GRIP1: variants seen among roughly 807,000 people sequenced by gnomAD.
GRIP1 encodes the protein glutamate receptor interacting protein 1.
GRIP1 carries 45 observed loss-of-function variants against 129.9 expected under a neutral mutation model. The observed-to-expected ratio is 0.35, with a 90% CI of 0.27 to 0.44. The LOEUF (loss-of-function observed/expected upper bound fraction) is 0.44, where lower values mean the gene tolerates loss of function less well. GRIP1 is among the 20% of genes least tolerant of loss of function. The pLI is 1.00. For synonymous variants in GRIP1, 530 were observed against 520.8 expected, an observed-to-expected ratio of 1.02 and a Z score of -0.24; for missense variants, 1,196 against 1,396.8, an observed-to-expected ratio of 0.86 and a Z score of 2.29.
chr12:66,973,769 C>T (rs902431546), intron 1 of GRIP1, among the ~76,000 whole-genome samples: 12 of 152,064 alleles, frequency 7.9e-5, no homozygotes, highest in Admixed American at 5.9e-4. Flanking sequence ...GGTACAAGTG[C>T]ATCAGCTATG....
At chr12:66,400,324 C>T (rs1251580424) in intron 16 of GRIP1, among the ~76,000 whole-genome samples, 1 of 152,078 alleles carries the variant, frequency 6.6e-6, no homozygotes, top group Non-Finnish European at 1.5e-5. Context: ...TACTTTTTAT[C>T]ATAGGTCCTT....
intron 1 of GRIP1, among the ~76,000 whole-genome samples, chr12:66,868,519 G>A (rs2040242665): frequency 1.3e-5 from 2 of 151,980 alleles, no homozygotes. Context: ...CAAAATGACA[G>A]CAGGGATTCA....
At chr12:66,704,362 TAAAGAATTTTATATAAATAAGA>T (rs1187534761) in intron 1 of GRIP1, among the ~76,000 whole-genome samples, 2 of 152,062 alleles carry the variant, frequency 1.3e-5, no homozygotes, top group Admixed American at 6.6e-5. Context: ...ATCAGAATTG[TAAAGAATTTTATATAAATAAGA>T]AAAATGTTAA....
At chr12:66,637,124 G>A (rs1592683096) in intron 1 of GRIP1, among the ~76,000 whole-genome samples, 1 of 152,140 alleles carries the variant, frequency 6.6e-6, no homozygotes, top group East Asian at 1.9e-4. Flanking sequence ...AAGACAAGTA[G>A]AGGGAAGTTA....
chr12:66,901,019 C>A (rs1161536346), intron 1 of GRIP1, among the ~76,000 whole-genome samples: 3 of 152,156 alleles, frequency 2.0e-5, no homozygotes, highest in Admixed American at 6.5e-5. Flanking sequence ...AGTAGAGATA[C>A]ATGAATGAAA....
In GRIP1 at chr12:66,991,875, C is replaced by A. The variant is rs952156796; in HGVS notation, c.58+77175G>T. ...TGTATTCAGCCAGACGCCATCTCAA[C>A]TTGGATTCCAAATTTACAACACTAA... is the stretch of plus-strand genomic sequence containing the variant. On this transcript the variant is annotated intron_variant, in intron 1 of 1. Coordinates refer to the GRIP1 transcript ENST00000643019. 2.0e-5 allele frequency among the ~76,000 whole-genome samples: 3 copies of A among 152,294 alleles called. No individual in the cohort carries two copies. In the East Asian group the frequency reaches 5.8e-4, roughly 29 times the overall value.
chr12:66,474,760 T>C (rs1056201783), intron 7 of GRIP1, among the ~76,000 whole-genome samples: 2 of 152,068 alleles, frequency 1.3e-5, no homozygotes, highest in Non-Finnish European at 2.9e-5. Context: ...ATAAAATACT[T>C]TACAGACAAG....
intron 1 of GRIP1, among the ~76,000 whole-genome samples, chr12:66,910,178 A>G (rs943580740): frequency 5.3e-5 from 8 of 152,288 alleles, no homozygotes; most frequent in Admixed American, 3.9e-4. Context: ...ATCTCTTCCT[A>G]GCATTCATTA....
intron 13 of GRIP1, among the ~76,000 whole-genome samples, chr12:66,443,354 G>GT (rs1041490319): frequency 1.3e-5 from 2 of 151,688 alleles, no homozygotes; most frequent in African/African-American, 4.8e-5. Context: ...TCTTCACTTT[G>GT]TCCTCTGGCT....
intron 23 of GRIP1, among the ~76,000 whole-genome samples, chr12:66,355,850 A>T (rs2054464292): frequency 6.6e-6 from 1 of 152,186 alleles, no homozygotes; most frequent in Non-Finnish European, 1.5e-5. Flanking sequence ...CTTGTCCTGC[A>T]CCTTATGAGG....
chr12:66,442,038 C>T (rs2138073633), intron 13 of GRIP1, among the ~76,000 whole-genome samples: 1 of 152,200 alleles, frequency 6.6e-6, no homozygotes, highest in East Asian at 1.9e-4. Context: ...GTCCAACTGC[C>T]ACAATCTCCT....
intron 1 of GRIP1, among the ~76,000 whole-genome samples, chr12:66,995,664 G>A (rs2042456367): frequency 6.6e-6 from 1 of 152,096 alleles, no homozygotes; most frequent in Admixed American, 6.5e-5. Context: ...CTACTAGGAT[G>A]GTGGATAATA....
chr12:67,006,357 C>T (rs1451159868), intron 1 of GRIP1, among the ~76,000 whole-genome samples: 1 of 151,996 alleles, frequency 6.6e-6, no homozygotes. Context: ...TTGAGCCTAG[C>T]AGTTCAAGAC....
rs567896292 is a variant in GRIP1, at chr12:66,347,610, CTTGT to C, written c.*1405_*1408del. 3 of 152,106 alleles carry C rather than the reference CTTGT, an allele frequency of 2.0e-5. No homozygotes were observed. The highest frequency in any genetic ancestry group is 6.5e-5 in the Admixed American group (1 of 15,274). The allele number at this position is 152,106 out of a possible 1,614,324, so 9.4% of individuals were successfully genotyped here. Reference sequence around the variant, plus strand: ...TACAAAAATACTTTACAGTTTAATACTTGTTTGTTACAAATAAAAATACATATTT... The same window carrying C: ...TACAAAAATACTTTACAGTTTAATACTTGTTACAAATAAAAATACATATTT... On this transcript the variant is annotated 3_prime_UTR_variant, in exon 25 of 25. Transcript: ENST00000359742.
chr12:66,466,158 C>T (rs1332755350), intron 7 of GRIP1, among the ~76,000 whole-genome samples: 8 of 152,238 alleles, frequency 5.3e-5, no homozygotes, highest in African/African-American at 1.7e-4. Flanking sequence ...ATCAATTCCT[C>T]GGGAAGCCTA....
Position 66,541,883 on chromosome 12 carries a change from T to C in GRIP1, c.204A>G (p.Val68=), listed in dbSNP as rs1325630866. ...KKEGTTLGLT[V]SGGIDKDGKP... ...TGCCATCCTTATCAATTCCTCCCGATACCGTCAGACCCAGGGTAGTGCCTT... is the reference window on the plus strand; with the variant it reads ...TGCCATCCTTATCAATTCCTCCCGACACCGTCAGACCCAGGGTAGTGCCTT... Residue 68 remains valine, a synonymous_variant, in exon 3 of 25, where the codon GTA becomes GTG. Transcript: ENST00000359742. 2.5e-6 allele frequency: 4 copies of C among 1,613,968 alleles called. No homozygotes were observed. Among genetic ancestry groups the C allele is most frequent in the Admixed American group, 3.3e-5 (2 of 60,030 alleles).
intron 2 of GRIP1, among the ~76,000 whole-genome samples, chr12:66,570,371 A>T (rs1402960000): frequency 6.6e-6 from 1 of 152,166 alleles, no homozygotes; most frequent in Non-Finnish European, 1.5e-5. Flanking sequence ...AGCCTCTGAA[A>T]GTGCTAGGAT....
chr12:66,620,215 TA>T (rs762017164), intron 1 of GRIP1, among the ~76,000 whole-genome samples: 11 of 152,158 alleles, frequency 7.2e-5, no homozygotes, highest in Non-Finnish European at 1.3e-4. Flanking sequence ...CTGGCAGTCT[TA>T]GATTAAAATG....
chr12:66,513,675 T>A (rs905879368), intron 7 of GRIP1, among the ~76,000 whole-genome samples: 5 of 152,178 alleles, frequency 3.3e-5, no homozygotes, highest in Non-Finnish European at 5.9e-5. Context: ...TGATCTTATA[T>A]TCAGCAACCT....
Sources: allele counts gnomAD v4.1 joint callset (sites outside exome capture counted in the v4.1 genomes callset), GRCh38; gene constraint gnomAD v4.1.1; transcripts MANE v1.5; gene names NCBI Gene and HGNC (gene_info 2026-07-23, HGNC 2026-07-21).